Variants in SLC16A10 observed in about 807,000 individuals in gnomAD.
SLC16A10 encodes the protein monocarboxylate transporter 10.
Under a neutral mutation model 40.0 loss-of-function variants are expected in SLC16A10, and 27 were observed. The observed-to-expected ratio is 0.67, with a 90% CI of 0.50 to 0.93. The LOEUF (loss-of-function observed/expected upper bound fraction) is 0.93, where lower values mean the gene tolerates loss of function less well. Ranked by LOEUF, SLC16A10 falls within the 40% of genes least tolerant of loss-of-function variation. SLC16A10 has a pLI of 0.00. For synonymous variants in SLC16A10, 213 were observed against 249.8 expected (o/e 0.85, Z 1.39); for missense variants, 529 against 658.2 (o/e 0.80, Z 2.15).
At chr6:111,221,920 G>T in intron 5 of SLC16A10, 83 bp from the exon 6 acceptor site, 23 of 1,222,114 alleles carry the variant, frequency 1.9e-5, no homozygotes, top group East Asian at 2.8e-5. Flanking sequence ...TGTCTGAGAT[G>T]TCTGAATCAG....
chr6:111,096,723 A>G (rs975586748), intron 1 of SLC16A10, among the ~76,000 whole-genome samples: 11 of 152,244 alleles, frequency 7.2e-5, no homozygotes, highest in Non-Finnish European at 1.2e-4. Flanking sequence ...AATTATGGGC[A>G]TAAGTATGAA....
intron 1 of SLC16A10, among the ~76,000 whole-genome samples, chr6:111,168,025 G>A (rs1772510386): frequency 1.3e-5 from 2 of 151,704 alleles, no homozygotes; most frequent in Admixed American, 6.6e-5. Flanking sequence ...TCTTGCCCAG[G>A]CTGGAATGCA....
intron 1 of SLC16A10, chr6:111,091,287 C>T (rs974683826): frequency 4.6e-5 from 7 of 152,034 alleles, no homozygotes; most frequent in African/African-American, 1.2e-4. Context: ...TGTGTCATTC[C>T]AATTTTAGTA....
At chr6:111,129,517 AAG>A (rs1771743736) in intron 1 of SLC16A10, among the ~76,000 whole-genome samples, 1 of 152,254 alleles carries the variant, frequency 6.6e-6, no homozygotes. Flanking sequence ...TTATCAGTGA[AAG>A]AACAAAGTTC....
chr6:111,127,340 TG>T (rs1330597461), intron 1 of SLC16A10, among the ~76,000 whole-genome samples: 2 of 152,136 alleles, frequency 1.3e-5, no homozygotes, highest in Non-Finnish European at 2.9e-5. Context: ...CATGAATACC[TG>T]GGGGAATCAC....
chr6:111,221,888 C>T, intron 5 of SLC16A10, 115 bp from the exon 6 acceptor site: 1 of 902,724 alleles, frequency 1.1e-6, no homozygotes, highest in African/African-American at 1.8e-5. Context: ...GATCTGTTTC[C>T]TAAAAAAAAA....
At chr6:111,095,832 A>C (rs890970459) in intron 1 of SLC16A10, among the ~76,000 whole-genome samples, 1 of 152,202 alleles carries the variant, frequency 6.6e-6, no homozygotes, top group Admixed American at 6.5e-5. Flanking sequence ...AGGCCTCCCT[A>C]GCCATGTGGA....
intron 3 of SLC16A10, among the ~76,000 whole-genome samples, chr6:111,199,071 G>A (rs1360990023): frequency 6.6e-6 from 1 of 152,226 alleles, no homozygotes; most frequent in African/African-American, 2.4e-5. Context: ...GACACGGTCT[G>A]TTGTGTTCAT....
chr6:111,124,803 A>G (rs1439303719), intron 1 of SLC16A10, among the ~76,000 whole-genome samples: 1 of 152,268 alleles, frequency 6.6e-6, no homozygotes. Context: ...AGTTCTTTAC[A>G]GACTTTCTAT....
intron 1 of SLC16A10, among the ~76,000 whole-genome samples, chr6:111,158,805 G>C (rs902997264): frequency 4.6e-5 from 7 of 152,090 alleles, no homozygotes; most frequent in African/African-American, 1.7e-4. Flanking sequence ...AAAGATGTAG[G>C]CTGGTCACAG....
In SLC16A10 at chr6:111,182,310, C is replaced by CTTTTTTTT. The variant is rs372963281; in HGVS notation, c.942+4660_942+4667dup. On this transcript the variant is annotated intron_variant, in intron 3 of 5. Coordinates refer to ENST00000368851, the MANE Select transcript of SLC16A10 (RefSeq NM_018593.5). ...GCCACCACGCCTGGCCTCTGGGTTT[C>CTTTTTTTT]TTTTTTTTTTTTTTTTTTTTTTCCT... Among the ~76,000 whole-genome samples, 144 of 103,608 alleles carry CTTTTTTTT rather than the reference C, an allele frequency of 1.4e-3. 1 individual carries two copies. The highest frequency in any genetic ancestry group is 1.8e-3 in the East Asian group (6 of 3,270). The allele number at this position is 103,608 out of a possible 152,430, so 68.0% of individuals were successfully genotyped here.
chr6:111,115,931 A>G (rs1771478844), intron 1 of SLC16A10, among the ~76,000 whole-genome samples: 1 of 152,100 alleles, frequency 6.6e-6, no homozygotes, highest in Admixed American at 6.5e-5. Flanking sequence ...TGTTTGTTTT[A>G]TCATACTACT....
chr6:111,132,397 G>T (rs1583319209), intron 1 of SLC16A10, among the ~76,000 whole-genome samples: 1 of 152,348 alleles, frequency 6.6e-6, no homozygotes, highest in East Asian at 1.9e-4. Flanking sequence ...TTTATTGTCA[G>T]TGTAAACAAG....
intron 1 of SLC16A10, among the ~76,000 whole-genome samples, chr6:111,145,855 C>T (rs972339366): frequency 6.6e-6 from 1 of 152,030 alleles, no homozygotes; most frequent in Non-Finnish European, 1.5e-5. Flanking sequence ...TCTGCTCCAC[C>T]CCTCCTCCAC....
At position 111,222,371 on chromosome 6, in the gene SLC16A10, C is replaced by G. The variant is rs1770917299; in HGVS notation, c.*136C>G. The G allele has an allele frequency of 8.6e-7, 1 of 1,161,902 alleles. No homozygotes were observed. The highest frequency in any genetic ancestry group is 1.8e-5 in the South Asian group (1 of 54,770). 72.0% of individuals were successfully genotyped at this position (1,161,902 alleles called of 1,614,324 possible). ...AGCACAATAATTGGGAAATAGAACCCTTATCACTAGAAGAACCATTTTCTG... is the reference window on the plus strand; with the variant it reads ...AGCACAATAATTGGGAAATAGAACCGTTATCACTAGAAGAACCATTTTCTG... On this transcript the variant is annotated 3_prime_UTR_variant, in exon 6 of 6. Coordinates refer to ENST00000368851, the MANE Select transcript of SLC16A10 (RefSeq NM_018593.5).
intron 2 of SLC16A10, among the ~76,000 whole-genome samples, chr6:111,173,131 T>C (rs554150252): frequency 2.0e-4 from 30 of 152,254 alleles, no homozygotes; most frequent in Middle Eastern, 3.4e-3. Flanking sequence ...CACATAAAAA[T>C]CCTAATGGCA....
intron 1 of SLC16A10, among the ~76,000 whole-genome samples, chr6:111,112,026 A>G (rs1293103819): frequency 6.6e-6 from 1 of 152,066 alleles, no homozygotes; most frequent in Non-Finnish European, 1.5e-5. Flanking sequence ...ATAGATATAG[A>G]TATAGATATA....
In SLC16A10 at chr6:111,104,345, A is replaced by G. The variant is rs148461588; in HGVS notation, c.343+16250A>G. Among the ~76,000 whole-genome samples the G allele has an allele frequency of 2.4e-4, 37 of 152,324 alleles. 1 individual carries two copies. The highest frequency in any genetic ancestry group is 8.7e-4 in the African/African-American group (36 of 41,586). On this transcript the variant is annotated intron_variant, in intron 1 of 5. Coordinates refer to ENST00000368851, the MANE Select transcript of SLC16A10 (RefSeq NM_018593.5). ...TTGAGGGTCAGCCATGGAAATGGGA[A>G]TGAAGGGACAGATGTGAGACATTTC...
intron 1 of SLC16A10, among the ~76,000 whole-genome samples, chr6:111,161,582 C>T (rs1419400876): frequency 6.6e-6 from 1 of 152,094 alleles, no homozygotes; most frequent in East Asian, 1.9e-4. Flanking sequence ...TCAGATCTCC[C>T]TCAGAGGCCT....
Sources: allele counts gnomAD v4.1 joint callset (sites outside exome capture counted in the v4.1 genomes callset), GRCh38; gene constraint gnomAD v4.1.1; transcripts MANE v1.5; gene names NCBI Gene and HGNC (gene_info 2026-07-23, HGNC 2026-07-21).